Variants in SDK2 observed in about 807,000 individuals in gnomAD.
SDK2 encodes the protein protein sidekick-2.
Under a neutral mutation model 253.9 loss-of-function variants are expected in SDK2, and 105 were observed. That is an observed-to-expected ratio of 0.41 (90% CI 0.35 to 0.49). SDK2 has a LOEUF of 0.49. Among genes scored for constraint, SDK2 ranks in the 20% least tolerant of loss-of-function variants. SDK2 has a pLI of 0.06. For missense variants in SDK2, 2,608 were observed against 3,003.0 expected (o/e 0.87, Z 3.07); for synonymous variants, 1,249 against 1,234.9 (o/e 1.01, Z -0.24).
Position 73,466,114 on chromosome 17 carries a change from G to C in SDK2, c.331+5998C>G, listed in dbSNP as rs111616985. ...AAGTACGGGGTGAGCACTTGAGAAT[G>C]AGCACCTCCTTAAATTGGGCACCCT... On this transcript the variant is annotated intron_variant, in intron 3 of 44. Transcript: ENST00000392650. Among the ~76,000 whole-genome samples, 774 of 152,280 alleles carry C rather than the reference G, an allele frequency of 5.1e-3. 9 individuals carry two copies. Among genetic ancestry groups the C allele is most frequent in the African/African-American group, 0.018 (737 of 41,540 alleles).
intron 5 of SDK2, among the ~76,000 whole-genome samples, chr17:73,442,596 C>T (rs1489953586): frequency 1.3e-5 from 2 of 152,154 alleles, no homozygotes; most frequent in Admixed American, 1.3e-4. Context: ...CCGCCTCGGC[C>T]TCCCAAAGTG....
intron 22 of SDK2, 23 bp downstream of exon 22, chr17:73,399,145 G>A (rs775526362): frequency 8.7e-6 from 14 of 1,612,202 alleles, no homozygotes; most frequent in South Asian, 6.6e-5. Context: ...GGGGCTGCTG[G>A]TCAGGCCCCA....
intron 1 of SDK2, among the ~76,000 whole-genome samples, chr17:73,546,974 G>A (rs148189538): frequency 6.6e-6 from 1 of 152,294 alleles, no homozygotes; most frequent in East Asian, 1.9e-4. Context: ...CTGTCCTGCC[G>A]TGACACTGGG....
chr17:73,364,229 G>A (rs1459984550), intron 38 of SDK2, among the ~76,000 whole-genome samples: 4 of 152,166 alleles, frequency 2.6e-5, no homozygotes, highest in African/African-American at 9.7e-5. Context: ...TGTTACCAGG[G>A]GTAGAAAGCT....
chr17:73,341,132 C>T (rs1158210960), intron 44 of SDK2, among the ~76,000 whole-genome samples: 3 of 151,128 alleles, frequency 2.0e-5, no homozygotes, highest in African/African-American at 2.4e-5. Context: ...ATGCTCCTGC[C>T]TCGGCCTCCC....
intron 34 of SDK2, among the ~76,000 whole-genome samples, chr17:73,380,614 C>T (rs1179045529): frequency 3.3e-5 from 5 of 152,216 alleles, no homozygotes; most frequent in East Asian, 1.9e-4. Context: ...GCTGCGGCCC[C>T]GCTGTCACTG....
intron 32 of SDK2, 127 bp from the exon 33 acceptor site, chr17:73,384,138 A>G: frequency 9.2e-7 from 1 of 1,089,590 alleles, no homozygotes; most frequent in Admixed American, 2.6e-5. Context: ...AGAAATCAAG[A>G]TAATATTGGG....
intron 1 of SDK2, among the ~76,000 whole-genome samples, chr17:73,596,289 TC>T (rs1313914450): frequency 6.6e-6 from 1 of 151,956 alleles, no homozygotes; most frequent in Non-Finnish European, 1.5e-5. Context: ...GGGGCAGTGA[TC>T]AGGGCAAGGT....
chr17:73,536,214 C>T (rs1465146345), intron 1 of SDK2, among the ~76,000 whole-genome samples: 1 of 152,164 alleles, frequency 6.6e-6, no homozygotes, highest in Non-Finnish European at 1.5e-5. Context: ...GCATTTCTAG[C>T]AAGTTCTCAG....
intron 44 of SDK2, among the ~76,000 whole-genome samples, chr17:73,341,045 GTTTT>G (rs10541030): frequency 1.2e-4 from 16 of 131,696 alleles, no homozygotes; most frequent in South Asian, 2.5e-4. Flanking sequence ...CGGCTGGTCT[GTTTT>G]TTTTTTTTTT....
chr17:73,371,005 A>G (rs1001113918), intron 36 of SDK2, among the ~76,000 whole-genome samples: 1 of 151,966 alleles, frequency 6.6e-6, no homozygotes. Flanking sequence ...TGAAGGTTGC[A>G]GTGAGCTGAG....
At chr17:73,363,144 C>A (rs146523244) in intron 38 of SDK2, among the ~76,000 whole-genome samples, 1 of 152,168 alleles carries the variant, frequency 6.6e-6, no homozygotes, top group African/African-American at 2.4e-5. Context: ...AGTGCAATGG[C>A]GCGATCTCAG....
At chr17:73,391,274 C>T (rs375550380) in intron 28 of SDK2, among the ~76,000 whole-genome samples, 166 bp downstream of exon 28, 65 of 152,306 alleles carry the variant, frequency 4.3e-4, no homozygotes, top group African/African-American at 1.2e-3. Flanking sequence ...TAATCTTACA[C>T]ACTGGAATTT....
At chr17:73,614,646 G>A (rs1371330127) in intron 1 of SDK2, among the ~76,000 whole-genome samples, 1 of 44,346 alleles carries the variant, frequency 2.3e-5, no homozygotes, top group Admixed American at 2.3e-4. Context: ...AAGGGGGAGG[G>A]AGGGGGACAA....
chr17:73,639,868 G>C lies in SDK2; in HGVS notation c.64+4157C>G, dbSNP rs1354332872. 1.3e-5 allele frequency among the ~76,000 whole-genome samples: 2 copies of C among 152,102 alleles called. No individual in the cohort carries two copies. Among genetic ancestry groups the C allele is most frequent in the African/African-American group, 4.8e-5 (2 of 41,416 alleles). ...GCAGTAGTGAGTCCTCCATCATCAA[G>C]GGTATGCAAGCAGAGACCAGATGGC... is the stretch of plus-strand genomic sequence containing the variant. On this transcript the variant is annotated intron_variant, in intron 1 of 44. Transcript: ENST00000392650. The surrounding 1 kb of genome is among the most constrained non-coding windows in gnomAD (Gnocchi z 4.3).
At chr17:73,636,012 A>G (rs751542763) in intron 1 of SDK2, among the ~76,000 whole-genome samples, 4 of 151,976 alleles carry the variant, frequency 2.6e-5, no homozygotes, top group Non-Finnish European at 4.4e-5. Flanking sequence ...CTCTTTCCAA[A>G]CTCTACACCC....
At chr17:73,466,716 C>CCA (rs1567789238) in intron 3 of SDK2, among the ~76,000 whole-genome samples, 2 of 50,434 alleles carry the variant, frequency 4.0e-5, no homozygotes, top group African/African-American at 1.7e-4. Flanking sequence ...CTGGGGAACG[C>CCA]CCCCCCCCCC....
At chr17:73,600,150 C>T (rs1259734340) in intron 1 of SDK2, among the ~76,000 whole-genome samples, 1 of 152,164 alleles carries the variant, frequency 6.6e-6, no homozygotes, top group Non-Finnish European at 1.5e-5. Context: ...TGGCCTGAGC[C>T]CGGGGCAGAC....
At chr17:73,567,193 C>T (rs573070123) in intron 1 of SDK2, among the ~76,000 whole-genome samples, 1 of 152,350 alleles carries the variant, frequency 6.6e-6, no homozygotes, top group East Asian at 1.9e-4. Flanking sequence ...GCATCCCTGG[C>T]TGCTTCAGCT....
Sources: allele counts gnomAD v4.1 joint callset (sites outside exome capture counted in the v4.1 genomes callset), GRCh38; gene constraint gnomAD v4.1.1; non-coding constraint Gnocchi (gnomAD v3.1); transcripts MANE v1.5; gene names NCBI Gene and HGNC (gene_info 2026-07-23, HGNC 2026-07-21).